The following CTDSPL variants were observed in gnomAD, a reference collection of about 807,000 sequenced individuals.
CTDSPL encodes CTD small phosphatase-like protein.
A neutral mutation model predicts 30.5 loss-of-function variants in CTDSPL; 8 were observed. The observed-to-expected ratio is 0.26, with a 90% CI of 0.15 to 0.47. The LOEUF is 0.47. CTDSPL is among the 20% of genes least tolerant of loss of function. The probability of loss-of-function intolerance (pLI) is 0.99; values close to 1 mark genes in which losing one functional copy is unlikely to be tolerated. For missense variants in CTDSPL, 248 were observed against 366.1 expected, an observed-to-expected ratio of 0.68 and a Z score of 2.63; for synonymous variants, 110 against 137.9, an observed-to-expected ratio of 0.80 and a Z score of 1.42.
chr3:37,881,523 C>T (rs1358793658), intron 1 of CTDSPL, among the ~76,000 whole-genome samples: 1 of 151,578 alleles, frequency 6.6e-6, no homozygotes, highest in Admixed American at 6.6e-5. Context: ...TGCGAGACTC[C>T]GTCTCAAAAA....
rs1287365840 is a variant in CTDSPL at position 37,926,241 on chromosome 3, A to G, written c.80-20816A>G. 2.0e-5 allele frequency among the ~76,000 whole-genome samples: 3 copies of G among 152,182 alleles called. No individual in the cohort carries two copies. In the South Asian group the frequency reaches 6.2e-4, roughly 32 times the overall value. ...GTGGGGCAAATACTAGCAGAGCCCA[A>G]GTGAGCAGAGCAGCAGGAGCTAGTC... is the stretch of plus-strand genomic sequence containing the variant. On this transcript the variant is annotated intron_variant, in intron 1 of 7. Transcript: ENST00000273179.
intron 2 of CTDSPL, among the ~76,000 whole-genome samples, chr3:37,956,135 G>A (rs780405885): frequency 6.6e-6 from 1 of 152,238 alleles, no homozygotes; most frequent in Non-Finnish European, 1.5e-5. Context: ...CTCTTATGCT[G>A]CAGAGGTGAT....
At chr3:37,894,876 A>G (rs959991242) in intron 1 of CTDSPL, among the ~76,000 whole-genome samples, 2 of 152,164 alleles carry the variant, frequency 1.3e-5, no homozygotes, top group African/African-American at 4.8e-5. Flanking sequence ...TTCACATATT[A>G]TATTTTAAAT....
At chr3:37,879,146 A>G (rs1363762277) in intron 1 of CTDSPL, among the ~76,000 whole-genome samples, 1 of 152,240 alleles carries the variant, frequency 6.6e-6, no homozygotes, top group East Asian at 1.9e-4. Context: ...CACCAGGTAA[A>G]TAAATCAGGT....
At chr3:37,896,713 A>T (rs890241857) in intron 1 of CTDSPL, among the ~76,000 whole-genome samples, 1 of 151,912 alleles carries the variant, frequency 6.6e-6, no homozygotes, top group Admixed American at 6.6e-5. Flanking sequence ...TAATTTTAAA[A>T]TTTCCTGTAG....
chr3:37,878,967 AAATGTACTG>A (rs1298769393), intron 1 of CTDSPL, among the ~76,000 whole-genome samples: 1 of 152,192 alleles, frequency 6.6e-6, no homozygotes, highest in Non-Finnish European at 1.5e-5. Flanking sequence ...AAACAAAAAT[AAATGTACTG>A]AAGCCCCAGC....
intron 1 of CTDSPL, among the ~76,000 whole-genome samples, chr3:37,903,325 G>A (rs1445973617): frequency 6.6e-6 from 1 of 152,232 alleles, no homozygotes; most frequent in African/African-American, 2.4e-5. Flanking sequence ...GAGGGAATAT[G>A]TATGCACATA....
chr3:37,947,522 T>G (rs892179555), intron 2 of CTDSPL, among the ~76,000 whole-genome samples: 33 of 152,128 alleles, frequency 2.2e-4, no homozygotes, highest in African/African-American at 7.7e-4. Context: ...ATCCCGCCAT[T>G]GCACTCTAGC....
chr3:37,916,578 G>A (rs1348275782), intron 1 of CTDSPL, among the ~76,000 whole-genome samples: 1 of 152,122 alleles, frequency 6.6e-6, no homozygotes, highest in Non-Finnish European at 1.5e-5. Flanking sequence ...AGAGATTAGA[G>A]TGATGCATCT....
rs953689782 is a variant in CTDSPL at position 37,937,948 on chromosome 3, C to T, written c.80-9109C>T. Among the ~76,000 whole-genome samples, 7 of 150,462 alleles carry T rather than the reference C, an allele frequency of 4.7e-5. No individual in the cohort carries two copies. In the South Asian group the frequency reaches 6.4e-4, roughly 14 times the overall value. On this transcript the variant is annotated intron_variant, in intron 1 of 7. Coordinates refer to ENST00000273179, the MANE Select transcript of CTDSPL (RefSeq NM_001008392.2). ...ATGCTGGGTCTTCAGGGATCCGGCC[C>T]CTGTGCCAGCACATTTATATTGTGA...
At position 37,984,095 on chromosome 3, in the gene CTDSPL, T is replaced by C. The variant is rs998272249; in HGVS notation, c.*3228T>C. 6 of 407,042 alleles carry C rather than the reference T, an allele frequency of 1.5e-5. No individual in the cohort carries two copies. The highest frequency in any genetic ancestry group is 1.0e-4 in the African/African-American group (5 of 49,356). 25.2% of individuals were successfully genotyped at this position (407,042 alleles called of 1,614,324 possible). On this transcript the variant is annotated 3_prime_UTR_variant, in exon 8 of 8. Coordinates refer to ENST00000273179, the MANE Select transcript of CTDSPL (RefSeq NM_001008392.2). ...CAATCCTACGTTTGTGCCTCTGCTT[T>C]TAAAGGTGCTGTGCTGGACAGTTGG...
intron 1 of CTDSPL, among the ~76,000 whole-genome samples, chr3:37,914,215 T>G (rs1466811606): frequency 3.3e-5 from 5 of 152,230 alleles, no homozygotes; most frequent in Admixed American, 2.0e-4. Flanking sequence ...AACTGAAAAT[T>G]TTTCCTTTTC....
In CTDSPL at chr3:37,983,122, G is replaced by A. The variant is rs2125638435; in HGVS notation, c.*2255G>A. 6.5e-6 allele frequency: 1 copy of A among 154,662 alleles called. No homozygotes were observed. The highest frequency in any genetic ancestry group is 6.4e-5 in the Admixed American group (1 of 15,656). The allele number at this position is 154,662 out of a possible 1,614,324, so 9.6% of individuals were successfully genotyped here. The stretch of plus-strand genomic sequence containing the variant: ...CACCACTGCACTAAGCCAGTGCGGA[G>A]CTGTTAGGGACGGGCCCAGCTCCTG... On this transcript the variant is annotated 3_prime_UTR_variant, in exon 8 of 8. Transcript: ENST00000273179.
At chr3:37,961,343 G>T (rs747647643) in intron 3 of CTDSPL, among the ~76,000 whole-genome samples, 12 of 152,200 alleles carry the variant, frequency 7.9e-5, no homozygotes, top group Non-Finnish European at 1.6e-4. Flanking sequence ...AAGATGCAGA[G>T]GGAACGAAAG....
chr3:37,946,815 A>G (rs762463637), intron 1 of CTDSPL, among the ~76,000 whole-genome samples: 1 of 152,092 alleles, frequency 6.6e-6, no homozygotes, highest in African/African-American at 2.4e-5. Context: ...GCTGAGGTCA[A>G]AGGGATCCTG....
chr3:37,900,330 AC>A (rs1220203858), intron 1 of CTDSPL, among the ~76,000 whole-genome samples: 3 of 152,134 alleles, frequency 2.0e-5, no homozygotes, highest in Non-Finnish European at 2.9e-5. Flanking sequence ...CATGTATACA[AC>A]CCCTGAACTG....
chr3:37,881,483 C>T (rs143827078), intron 1 of CTDSPL, among the ~76,000 whole-genome samples: 6,234 of 152,126 alleles, frequency 0.041, 400 homozygotes, highest in African/African-American at 0.14. Context: ...GAGCCAAGAT[C>T]GCGCCACTGC....
intron 1 of CTDSPL, among the ~76,000 whole-genome samples, chr3:37,867,307 T>C (rs1698021777): frequency 6.6e-6 from 1 of 152,242 alleles, no homozygotes; most frequent in South Asian, 2.1e-4. Flanking sequence ...TTTAAATTGC[T>C]CAATTGTATT....
At chr3:37,890,376 G>A (rs1175239207) in intron 1 of CTDSPL, among the ~76,000 whole-genome samples, 2 of 152,066 alleles carry the variant, frequency 1.3e-5, no homozygotes, top group Non-Finnish European at 2.9e-5. Flanking sequence ...GGGAAAATGT[G>A]GTGGTGCAAA....
Sources: allele counts gnomAD v4.1 joint callset (sites outside exome capture counted in the v4.1 genomes callset), GRCh38; gene constraint gnomAD v4.1.1; transcripts MANE v1.5; gene names NCBI Gene and HGNC (gene_info 2026-07-23, HGNC 2026-07-21).